Variants in DIAPH3 observed in about 807,000 individuals in gnomAD.
DIAPH3 encodes protein diaphanous homolog 3.
DIAPH3 carries 117 observed loss-of-function variants against 144.3 expected under a neutral mutation model. The observed-to-expected ratio is 0.81, with a 90% confidence interval of 0.70 to 0.95. The LOEUF is 0.95. DIAPH3 is among the 40% of genes least tolerant of loss of function. The pLI is 0.00. For synonymous variants in DIAPH3, 519 were observed against 488.9 expected, an observed-to-expected ratio of 1.06 and a Z score of -0.81; for missense variants, 1,421 against 1,412.7, an observed-to-expected ratio of 1.01 and a Z score of -0.09.
chr13:60,092,418 C>T (rs2057968476), intron 4 of DIAPH3, among the ~76,000 whole-genome samples: 1 of 152,114 alleles, frequency 6.6e-6, no homozygotes, highest in African/African-American at 2.4e-5. Context: ...TTTGGGAGGC[C>T]AAGGCGGGCG....
At chr13:59,838,371 ACAAGCCT>A (rs1417067919) in intron 23 of DIAPH3, 1 of 152,094 alleles carries the variant, frequency 6.6e-6, no homozygotes, top group Admixed American at 6.6e-5. Context: ...TAAACAGGAC[ACAAGCCT>A]CATGCTATTA....
chr13:59,702,615 T>G (rs923642154), intron 27 of DIAPH3, among the ~76,000 whole-genome samples: 1 of 152,168 alleles, frequency 6.6e-6, no homozygotes, highest in East Asian at 1.9e-4. Flanking sequence ...ATTTTCTTAT[T>G]AACAGCAGTA....
chr13:60,131,435 C>CAAAA (rs777909368), intron 2 of DIAPH3, among the ~76,000 whole-genome samples: 19 of 29,272 alleles, frequency 6.5e-4, no homozygotes, highest in South Asian at 1.7e-3. Flanking sequence ...GACCCTGTCT[C>CAAAA]AAAAAAAAAA....
chr13:60,104,394 G>C (rs575705870), intron 3 of DIAPH3, among the ~76,000 whole-genome samples: 7 of 152,172 alleles, frequency 4.6e-5, no homozygotes, highest in Admixed American at 2.6e-4. Context: ...AAGAAAGTCA[G>C]ATGGCTAGCT....
At chr13:60,041,101 T>C (rs1594473887) in intron 5 of DIAPH3, among the ~76,000 whole-genome samples, 1 of 149,548 alleles carries the variant, frequency 6.7e-6, no homozygotes, top group South Asian at 2.1e-4. Flanking sequence ...GGCTTGAGCC[T>C]GTAATATATA....
intron 3 of DIAPH3, among the ~76,000 whole-genome samples, chr13:60,096,924 C>T (rs567687917): frequency 2.6e-5 from 4 of 152,288 alleles, no homozygotes; most frequent in South Asian, 2.1e-4. Flanking sequence ...TTGCAGATAG[C>T]ATACTGTAGG....
At chr13:59,735,114 T>G (rs1325180218) in intron 27 of DIAPH3, among the ~76,000 whole-genome samples, 1 of 139,176 alleles carries the variant, frequency 7.2e-6, no homozygotes, top group African/African-American at 2.5e-5. Flanking sequence ...AAAACAGAAT[T>G]TTTTTTTACT....
At chr13:60,086,689 T>C (rs976712503) in intron 4 of DIAPH3, among the ~76,000 whole-genome samples, 1 of 152,106 alleles carries the variant, frequency 6.6e-6, no homozygotes, top group African/African-American at 2.4e-5. Flanking sequence ...TAAGCCTCCT[T>C]TAAGTAAGAA....
chr13:59,869,373 T>G (rs1007824547), intron 21 of DIAPH3, among the ~76,000 whole-genome samples: 2 of 152,166 alleles, frequency 1.3e-5, no homozygotes, highest in Admixed American at 6.6e-5. Flanking sequence ...ATAATTTAAT[T>G]TGACATGAGA....
intron 25 of DIAPH3, among the ~76,000 whole-genome samples, chr13:59,796,837 T>C (rs1466320280): frequency 1.3e-5 from 2 of 152,220 alleles, no homozygotes; most frequent in Non-Finnish European, 2.9e-5. Context: ...GACAGTGTCA[T>C]AGAACAAGTG....
intron 27 of DIAPH3, among the ~76,000 whole-genome samples, chr13:59,717,279 C>T (rs941951359): frequency 6.6e-6 from 1 of 151,928 alleles, no homozygotes; most frequent in Non-Finnish European, 1.5e-5. Flanking sequence ...CTATACATAC[C>T]GATTAAGCTT....
chr13:59,984,756 C>A (rs1163694871), intron 12 of DIAPH3, among the ~76,000 whole-genome samples: 2 of 135,882 alleles, frequency 1.5e-5, no homozygotes, highest in African/African-American at 5.6e-5. Flanking sequence ...CATACACTCT[C>A]CCAAGACTAA....
chr13:59,989,345 T>C (rs1404759403), intron 12 of DIAPH3, among the ~76,000 whole-genome samples: 2 of 151,770 alleles, frequency 1.3e-5, no homozygotes, highest in Non-Finnish European at 2.9e-5. Context: ...TGACACAATC[T>C]TGGAATAAAA....
At chr13:59,810,577 A>T (rs1448659436) in intron 25 of DIAPH3, among the ~76,000 whole-genome samples, 2 of 152,172 alleles carry the variant, frequency 1.3e-5, no homozygotes, top group Non-Finnish European at 2.9e-5. Flanking sequence ...GGACCAAATC[A>T]CCTATGACCA....
At chr13:60,042,421 C>T (rs1030537028) in intron 5 of DIAPH3, among the ~76,000 whole-genome samples, 1 of 152,136 alleles carries the variant, frequency 6.6e-6, no homozygotes, top group African/African-American at 2.4e-5. Context: ...TAGTTTCTCA[C>T]ATGACAATTG....
rs191245465 is a variant in DIAPH3 at position 59,828,871 on chromosome 13, T to G, written c.3027+4236A>C. ...AATGAGCACATTATCTACAGTCGAT[T>G]GTTTAAAAAAAAAATTAATTCCCAG... On this transcript the variant is annotated intron_variant, in intron 24 of 27. Coordinates refer to ENST00000400324, the MANE Select transcript of DIAPH3 (RefSeq NM_001042517.2). 2.8e-3 allele frequency among the ~76,000 whole-genome samples: 433 copies of G among 151,992 alleles called. 3 individuals carry two copies. The highest frequency in any genetic ancestry group is 0.01 in the African/African-American group (418 of 41,508).
chr13:59,713,390 A>G (rs915739826), intron 27 of DIAPH3, among the ~76,000 whole-genome samples: 5 of 152,166 alleles, frequency 3.3e-5, no homozygotes, highest in Non-Finnish European at 7.3e-5. Flanking sequence ...AAAACTCTCA[A>G]TAAATGATCT....
At chr13:60,079,759 G>A (rs756062044) in intron 4 of DIAPH3, among the ~76,000 whole-genome samples, 5 of 151,744 alleles carry the variant, frequency 3.3e-5, no homozygotes, top group African/African-American at 7.3e-5. Context: ...TTTCATGTGC[G>A]GGAAAAATAT....
At chr13:59,958,363 CAA>C (rs1275466657) in intron 17 of DIAPH3, among the ~76,000 whole-genome samples, 4 of 151,946 alleles carry the variant, frequency 2.6e-5, no homozygotes, top group African/African-American at 9.7e-5. Flanking sequence ...CATCATAAAA[CAA>C]GAGTAACAAT....
Sources: allele counts gnomAD v4.1 joint callset (sites outside exome capture counted in the v4.1 genomes callset), GRCh38; gene constraint gnomAD v4.1.1; transcripts MANE v1.5; gene names NCBI Gene and HGNC (gene_info 2026-07-23, HGNC 2026-07-21).